Variants in HSPA12A observed in about 807,000 individuals in gnomAD.
HSPA12A encodes heat shock 70 kDa protein 12A.
A neutral mutation model predicts 69.2 loss-of-function variants in HSPA12A; 28 were observed. That is an observed-to-expected ratio of 0.40 (90% CI 0.30 to 0.55). HSPA12A has a LOEUF of 0.55. Ranked by LOEUF, HSPA12A falls within the 20% of genes least tolerant of loss-of-function variation. HSPA12A has a pLI of 0.38. For synonymous variants in HSPA12A, 345 were observed against 370.5 expected (o/e 0.93, Z 0.79); for missense variants, 686 against 900.7 (o/e 0.76, Z 3.05).
chr10:116,744,487 C>A (rs958706720), upstream of HSPA12A, among the ~76,000 whole-genome samples: 2 of 152,236 alleles, frequency 1.3e-5, no homozygotes, highest in African/African-American at 4.8e-5. Flanking sequence ...GGGCCTTGGG[C>A]GCCACGTGCC....
intron 2 of HSPA12A, among the ~76,000 whole-genome samples, chr10:116,816,631 C>T (rs913452751): frequency 5.3e-5 from 8 of 152,192 alleles, no homozygotes; most frequent in Admixed American, 5.2e-4. Context: ...CGTAAAACAG[C>T]CCCGACATCC....
intron 2 of HSPA12A, among the ~76,000 whole-genome samples, chr10:116,825,092 T>C (rs977367817): frequency 5.4e-5 from 8 of 148,766 alleles, no homozygotes; most frequent in African/African-American, 1.7e-4. Context: ...GGGGCTGTGG[T>C]GGGGGAATCA....
At chr10:116,729,662 C>T (rs1851092564) in intron 1 of HSPA12A, among the ~76,000 whole-genome samples, 1 of 152,000 alleles carries the variant, frequency 6.6e-6, no homozygotes, top group Non-Finnish European at 1.5e-5. Context: ...AGTAAATTGT[C>T]ACAAATCTCC....
intron 1 of HSPA12A, among the ~76,000 whole-genome samples, chr10:116,711,433 G>A (rs1460368725): frequency 1.3e-5 from 2 of 152,156 alleles, no homozygotes; most frequent in African/African-American, 4.8e-5. Flanking sequence ...AAGGAAGATT[G>A]CTAAAAGACA....
At chr10:116,763,662 A>T (rs1252130882) in intron 2 of HSPA12A, among the ~76,000 whole-genome samples, 1 of 152,170 alleles carries the variant, frequency 6.6e-6, no homozygotes, top group Non-Finnish European at 1.5e-5. Context: ...ACTTGGGGCC[A>T]TCTCCAGGCA....
intron 1 of HSPA12A, among the ~76,000 whole-genome samples, chr10:116,726,448 G>A (rs533626040): frequency 1.5e-4 from 23 of 151,808 alleles, no homozygotes; most frequent in Non-Finnish European, 2.5e-4. Flanking sequence ...AGCCTCCCCC[G>A]AGACAGGCCT....
At chr10:116,849,604 C>T (rs763748453) in exon 1 of HSPA12A, 9 of 1,549,768 alleles carry the variant, frequency 5.8e-6, no homozygotes, top group African/African-American at 1.4e-5. Flanking sequence ...TGTGGGACCA[C>T]TAGGGAGCTG....
At chr10:116,680,147 GC>G in intron 9 of HSPA12A, among the ~76,000 whole-genome samples, 1 of 151,922 alleles carries the variant, frequency 6.6e-6, no homozygotes, top group Non-Finnish European at 1.5e-5. Flanking sequence ...GCACCACCAT[GC>G]CCGGCTAATT....
chr10:116,737,905 T>G (rs1179111056), intron 1 of HSPA12A, among the ~76,000 whole-genome samples: 1 of 152,220 alleles, frequency 6.6e-6, no homozygotes, highest in Non-Finnish European at 1.5e-5. Context: ...TTCTGAGCAC[T>G]GCCTGTGCTT....
intron 8 of HSPA12A, 86 bp downstream of exon 8, chr10:116,681,705 A>G (rs1363882381): frequency 1.6e-6 from 2 of 1,252,110 alleles, no homozygotes; most frequent in African/African-American, 3.0e-5. Flanking sequence ...ACATTTTCCA[A>G]AAGTGCAAAA....
At chr10:116,781,485 T>C (rs992323588) in intron 2 of HSPA12A, among the ~76,000 whole-genome samples, 5 of 152,034 alleles carry the variant, frequency 3.3e-5, no homozygotes, top group African/African-American at 9.7e-5. Context: ...CAATGAAATG[T>C]TGCAATAAAA....
Position 116,758,228 on chromosome 10 carries a change from T to C in HSPA12A, c.92-50943A>G, listed in dbSNP as rs145878559. 5.1e-4 allele frequency among the ~76,000 whole-genome samples: 77 copies of C among 152,294 alleles called. 1 individual carries two copies. The highest frequency in any genetic ancestry group is 1.8e-3 in the African/African-American group (76 of 41,568). On this transcript the variant is annotated intron_variant, in intron 2 of 12. Coordinates refer to the HSPA12A transcript ENST00000635765. ...TGGATTTCAGTCTCTTTCAGACCCA[T>C]GTCCTGCCTTCTGAGAAGCATCGCT...
intron 6 of HSPA12A, among the ~76,000 whole-genome samples, chr10:116,684,290 G>A (rs573367962): frequency 8.5e-5 from 13 of 152,232 alleles, no homozygotes; most frequent in South Asian, 2.1e-4. Flanking sequence ...GGGGGATTCC[G>A]GACTGCAGGA....
intron 2 of HSPA12A, among the ~76,000 whole-genome samples, chr10:116,787,508 A>T (rs1438116841): frequency 6.6e-6 from 1 of 150,622 alleles, no homozygotes; most frequent in African/African-American, 2.4e-5. Context: ...TTTCAGCGTC[A>T]TTGCTAAATG....
At chr10:116,682,178 GA>G (rs1363362424) in intron 7 of HSPA12A, among the ~76,000 whole-genome samples, 1 of 152,066 alleles carries the variant, frequency 6.6e-6, no homozygotes, top group African/African-American at 2.4e-5. Context: ...TTTTCCACGT[GA>G]AAAAAACTGA....
intron 1 of HSPA12A, among the ~76,000 whole-genome samples, chr10:116,740,513 T>G (rs1415693588): frequency 2.0e-5 from 3 of 152,160 alleles, no homozygotes; most frequent in African/African-American, 7.2e-5. Flanking sequence ...ACTGGCCACC[T>G]TGAGCTGGAG....
intron 2 of HSPA12A, among the ~76,000 whole-genome samples, chr10:116,794,918 TA>T (rs1844784876): frequency 6.6e-6 from 1 of 152,072 alleles, no homozygotes; most frequent in African/African-American, 2.4e-5. Context: ...AATCAGAATT[TA>T]AAAAATAATT....
Position 116,673,264 on chromosome 10 carries a change from C to T in HSPA12A, c.*1517G>A, listed in dbSNP as rs1849135077. 6.6e-6 allele frequency: 1 copy of T among 152,066 alleles called. No homozygotes were observed. Among genetic ancestry groups the T allele is most frequent in the African/African-American group, 2.4e-5 (1 of 41,374 alleles). 9.4% of individuals were successfully genotyped at this position (152,066 alleles called of 1,614,324 possible). A position where few individuals can be genotyped will look rare whatever the true frequency, so the allele number is the denominator to read the frequency against. ...ACCCTCCAGTTGGTTCCTCAGTCAG[C>T]TCCGTTCTTGGTGTCGCTTTCTTGC... On this transcript the variant is annotated 3_prime_UTR_variant, in exon 12 of 12. Coordinates refer to ENST00000369209, the MANE Select transcript of HSPA12A (RefSeq NM_025015.3).
At chr10:116,796,108 A>G (rs1197608947) in intron 2 of HSPA12A, among the ~76,000 whole-genome samples, 3 of 140,606 alleles carry the variant, frequency 2.1e-5, no homozygotes, top group South Asian at 4.4e-4. Flanking sequence ...AGATCCCGCC[A>G]CTGCACTCCA....
Sources: gnomAD v4.1 joint callset for allele counts (sites outside exome capture counted in the v4.1 genomes callset) on GRCh38, gnomAD v4.1.1 for gene constraint, MANE v1.5 for transcripts, NCBI Gene and HGNC (gene_info 2026-07-23, HGNC 2026-07-21) for gene names.